RSPH1: variants seen among roughly 807,000 people sequenced by gnomAD.
RSPH1 encodes the protein radial spoke head component 1, also known as radial spoke head 1 homolog.
RSPH1 carries 32 observed loss-of-function variants against 44.2 expected under a neutral mutation model. That is an observed-to-expected ratio of 0.72 (90% CI 0.55 to 0.97). The LOEUF is 0.97. RSPH1 is among the 50% of genes least tolerant of loss of function. RSPH1 has a pLI of 0.00. For missense variants in RSPH1, 391 were observed against 398.7 expected (o/e 0.98, Z 0.16); for synonymous variants, 134 against 147.3 (o/e 0.91, Z 0.65).
Position 42,496,152 on chromosome 21 carries a change from T to A in RSPH1, c.35A>T (p.Glu12Val). ...SDLGSEELEE[E>V]GENDIGEYEG... ...TCTCACCCCAATATCATTCTCTCCCTCCTCCTCCAACTCCTCCGAGCCCAG... is the reference window on the plus strand; with the variant it reads ...TCTCACCCCAATATCATTCTCTCCCACCTCCTCCAACTCCTCCGAGCCCAG... Residue 12 changes from glutamate to valine, a missense_variant, in exon 1 of 9, where the codon GAG becomes GTG. Coordinates refer to ENST00000291536, the MANE Select transcript of RSPH1 (RefSeq NM_080860.4). 2 of 1,613,868 alleles carry A rather than the reference T, an allele frequency of 1.2e-6. No homozygotes were observed. Among genetic ancestry groups the A allele is most frequent in the Non-Finnish European group, 1.7e-6 (2 of 1,179,922 alleles).
At chr21:42,492,922 G>A in intron 2 of RSPH1, 44 bp downstream of exon 2, 1 of 1,587,470 alleles carries the variant, frequency 6.3e-7, no homozygotes. Context: ...TGCTAACAGA[G>A]TATTAAATAG....
Position 42,476,806 on chromosome 21 carries a change from C to G in RSPH1, c.727+485G>C, listed in dbSNP as rs187799231. On this transcript the variant is annotated intron_variant, in intron 7 of 8. Coordinates refer to ENST00000291536, the MANE Select transcript of RSPH1 (RefSeq NM_080860.4). ...AACTCTGTTTCTTTCCTCTCCCCTC[C>G]GCTCTCCGGGAGTGTCCTCCAATCC... is the stretch of plus-strand genomic sequence containing the variant. Among the ~76,000 whole-genome samples the G allele has an allele frequency of 2.6e-5, 4 of 152,270 alleles. No individual in the cohort carries two copies. In the East Asian group the frequency reaches 7.7e-4, roughly 29 times the overall value.
chr21:42,493,963 G>C (rs1338757462), intron 1 of RSPH1, among the ~76,000 whole-genome samples: 1 of 152,100 alleles, frequency 6.6e-6, no homozygotes, highest in Non-Finnish European at 1.5e-5. Flanking sequence ...TATTGCCCTG[G>C]CTGGTCTCAA....
chr21:42,476,198 C>A, intron 7 of RSPH1, 151 bp from the exon 8 acceptor site: 1 of 754,944 alleles, frequency 1.3e-6, no homozygotes, highest in Non-Finnish European at 2.1e-6. Context: ...ATCCACCCAG[C>A]CCAGCCTAGG....
chr21:42,477,521 G>T, intron 6 of RSPH1, 77 bp from the exon 7 acceptor site: 2 of 1,504,248 alleles, frequency 1.3e-6, no homozygotes, highest in Admixed American at 1.7e-5. Context: ...GAGGGAGGAA[G>T]GACAAGTTTT....
intron 5 of RSPH1, chr21:42,485,358 G>A (rs1329416572): frequency 3.1e-6 from 1 of 322,842 alleles, no homozygotes; most frequent in African/African-American, 2.1e-5. Context: ...ATTTACCCAT[G>A]AGAAGGAATA....
chr21:42,495,577 A>G lies in RSPH1; in HGVS notation c.54+556T>C, dbSNP rs550790450. ...CCTAACTCAGGAAATAACTCCAAAGACCTGGGTCAGTTCAGATGGGGACTG... is the reference window on the plus strand; with the variant it reads ...CCTAACTCAGGAAATAACTCCAAAGGCCTGGGTCAGTTCAGATGGGGACTG... On this transcript the variant is annotated intron_variant, in intron 1 of 8. Transcript: ENST00000291536. Among the ~76,000 whole-genome samples the G allele has an allele frequency of 5.3e-5, 8 of 152,266 alleles. No individual in the cohort carries two copies. In the South Asian group the frequency reaches 1.5e-3, roughly 28 times the overall value.
At chr21:42,494,837 T>G (rs938615063) in intron 1 of RSPH1, among the ~76,000 whole-genome samples, 3 of 151,782 alleles carry the variant, frequency 2.0e-5, no homozygotes, top group Non-Finnish European at 2.9e-5. Context: ...GTAGCTGGGA[T>G]TACAGGTGCC....
At chr21:42,480,469 C>T (rs771403540) in intron 6 of RSPH1, among the ~76,000 whole-genome samples, 3 of 151,980 alleles carry the variant, frequency 2.0e-5, no homozygotes, top group East Asian at 1.9e-4. Context: ...GGAGAAACCC[C>T]GTCTCTACTA....
At chr21:42,488,986 C>T (rs2054207964) in intron 3 of RSPH1, among the ~76,000 whole-genome samples, 1 of 136,200 alleles carries the variant, frequency 7.3e-6, no homozygotes, top group African/African-American at 2.5e-5. Flanking sequence ...GAGTAACTCC[C>T]AGTTGGTTGG....
At position 42,477,131 on chromosome 21, in the gene RSPH1, C is replaced by T. The variant is rs11702109; in HGVS notation, c.727+160G>A. ...TCCACTCCACAGCCCGGGGATGCCC[C>T]ACACCCTCTGCCCCCTCCACCCCAC... On this transcript the variant is annotated intron_variant, in intron 7 of 8. Coordinates refer to ENST00000291536, the MANE Select transcript of RSPH1 (RefSeq NM_080860.4). Among the ~76,000 whole-genome samples, 2,941 of 18,200 alleles carry T rather than the reference C, an allele frequency of 0.16. 430 individuals are homozygous for T. Among genetic ancestry groups the T allele is most frequent in the Non-Finnish European group, 0.28 (1,802 of 6,410 alleles). The allele number at this position is 18,200 out of a possible 152,430, so 11.9% of individuals were successfully genotyped here. A position where few individuals can be genotyped will look rare whatever the true frequency, so the allele number is the denominator to read the frequency against.
intron 3 of RSPH1, 96 bp downstream of exon 3, chr21:42,492,662 A>G: frequency 5.6e-6 from 4 of 718,374 alleles, no homozygotes; most frequent in Non-Finnish European, 2.4e-6. Context: ...GAGAACTTTA[A>G]GCTTTCTCAT....
chr21:42,485,666 TAC>T lies in RSPH1; in HGVS notation c.501+1_501+2del, dbSNP rs778864436. 1 of 1,614,122 alleles carries T rather than the reference TAC, an allele frequency of 6.2e-7. No homozygotes were observed. The highest frequency in any genetic ancestry group is 2.2e-5 in the East Asian group (1 of 44,888). On this transcript the variant is annotated splice_donor_variant, in intron 5 of 8. Coordinates refer to ENST00000291536, the MANE Select transcript of RSPH1 (RefSeq NM_080860.4). LOFTEE classifies it high-confidence loss of function. ...TGGCAAATGTCACTTCCCATGGACT[TAC>T]ATTTTTGTTCAAGAACTTGCCCTGG...
At chr21:42,490,910 C>T (rs954739588) in intron 3 of RSPH1, among the ~76,000 whole-genome samples, 1 of 152,118 alleles carries the variant, frequency 6.6e-6, no homozygotes, top group Non-Finnish European at 1.5e-5. Flanking sequence ...TGTAAAAACT[C>T]TTGAGCAAGA....
chr21:42,477,231 G>A, intron 7 of RSPH1, 60 bp downstream of exon 7: 1 of 815,058 alleles, frequency 1.2e-6, no homozygotes, highest in Non-Finnish European at 1.7e-6. Flanking sequence ...CTGTCCCACA[G>A]CCCGGGGGTG....
chr21:42,492,661 A>T, intron 3 of RSPH1, 97 bp downstream of exon 3: 2 of 715,346 alleles, frequency 2.8e-6, no homozygotes, highest in African/African-American at 1.8e-5. Context: ...GGAGAACTTT[A>T]AGCTTTCTCA....
At chr21:42,491,176 C>G (rs1323140684) in intron 3 of RSPH1, among the ~76,000 whole-genome samples, 1 of 152,132 alleles carries the variant, frequency 6.6e-6, no homozygotes, top group Non-Finnish European at 1.5e-5. Flanking sequence ...CAATTTGTAG[C>G]CGAGTCAGGT....
intron 1 of RSPH1, among the ~76,000 whole-genome samples, chr21:42,494,053 G>A (rs1053325059): frequency 6.6e-6 from 1 of 152,104 alleles, no homozygotes; most frequent in Non-Finnish European, 1.5e-5. Context: ...TCAATTATGT[G>A]TCTATCTTAA....
chr21:42,482,661 A>G lies in RSPH1; in HGVS notation c.549T>C (p.His183=), dbSNP rs780989649. ...CCATATCTGTTAAACGATATTCACCATGTTGTTCACACCCAACATCAAATA... is the reference window on the plus strand; with the variant it reads ...CCATATCTGTTAAACGATATTCACCGTGTTGTTCACACCCAACATCAAATA... The part of the protein sequence containing the change: ...KYVFDVGCEQ[H]GEYRLTDMER... The change falls in exon 6 of 9, where the codon CAT becomes CAC. Residue 183 remains histidine, a synonymous_variant. Transcript: ENST00000291536. 5 of 1,613,294 alleles carry G rather than the reference A, an allele frequency of 3.1e-6. No homozygotes were observed. Among genetic ancestry groups the G allele is most frequent in the Non-Finnish European group, 4.2e-6 (5 of 1,179,578 alleles).
Sources: gnomAD v4.1 joint callset for allele counts (sites outside exome capture counted in the v4.1 genomes callset) on GRCh38, gnomAD v4.1.1 for gene constraint, MANE v1.5 for transcripts, NCBI Gene and HGNC (gene_info 2026-07-23, HGNC 2026-07-21) for gene names.